CLDN14: variants seen among roughly 807,000 people sequenced by gnomAD.
CLDN14 encodes the protein claudin 14.
In CLDN14, 2 loss-of-function variants were observed where a neutral mutation model predicts 2.1. That is an observed-to-expected ratio of 0.96 (90% CI 0.39 to 3.01). The LOEUF (loss-of-function observed/expected upper bound fraction) is 3.01, where lower values mean the gene tolerates loss of function less well. Among genes scored for constraint, CLDN14 ranks in the 30% most tolerant of loss-of-function variants. The pLI is 0.09. For synonymous variants in CLDN14, 136 were observed against 154.4 expected, an observed-to-expected ratio of 0.88 and a Z score of 0.88; for missense variants, 298 against 328.0, an observed-to-expected ratio of 0.91 and a Z score of 0.71.
intron 1 of CLDN14, among the ~76,000 whole-genome samples, chr21:36,549,972 G>T (rs985458966): frequency 6.6e-6 from 1 of 152,240 alleles, no homozygotes; most frequent in African/African-American, 2.4e-5. Context: ...CTGGAATGAG[G>T]ATAGACACTG....
chr21:36,552,684 AAAAAC>A (rs142309167), intron 1 of CLDN14, among the ~76,000 whole-genome samples: 112,368 of 150,404 alleles, frequency 0.75, 43,482 homozygotes, highest in Non-Finnish European at 0.87. Context: ...AAAACAAGAC[AAAAAC>A]AAAACAAAAC....
At chr21:36,503,309 C>T (rs917095760) in intron 2 of CLDN14, among the ~76,000 whole-genome samples, 1 of 152,198 alleles carries the variant, frequency 6.6e-6, no homozygotes, top group Non-Finnish European at 1.5e-5. Flanking sequence ...CTGCCTTGCC[C>T]TCCCAAAGTG....
chr21:36,549,983 C>A (rs1176829270), intron 1 of CLDN14, among the ~76,000 whole-genome samples: 1 of 152,246 alleles, frequency 6.6e-6, no homozygotes, highest in Non-Finnish European at 1.5e-5. Flanking sequence ...ATAGACACTG[C>A]ACCTGCACTG....
At position 36,551,274 on chromosome 21, in the gene CLDN14, T is replaced by A. The variant is rs1192703949; in HGVS notation, c.-220+25137A>T. Reference sequence around the variant, plus strand: ...GGCTTGGCCCCCTCCCCTTGGCCTCTGCGCTGGGAGGGAGGACCCCAGTGA... The same window carrying A: ...GGCTTGGCCCCCTCCCCTTGGCCTCAGCGCTGGGAGGGAGGACCCCAGTGA... On this transcript the variant is annotated intron_variant, in intron 1 of 2. Transcript: ENST00000342108. This position sits in a 1 kb window ranked among gnomAD's most constrained non-coding sequence, Gnocchi z 4.8. Among the ~76,000 whole-genome samples, 1 of 152,238 alleles carries A rather than the reference T, an allele frequency of 6.6e-6. No homozygotes were observed. Among genetic ancestry groups the A allele is most frequent in the Admixed American group, 6.5e-5 (1 of 15,288 alleles).
At chr21:36,566,664 A>C (rs1395050568) in intron 1 of CLDN14, among the ~76,000 whole-genome samples, 2 of 152,202 alleles carry the variant, frequency 1.3e-5, no homozygotes, top group Non-Finnish European at 2.9e-5. Context: ...GATCCCTTCC[A>C]AATGTGGGCA....
intron 1 of CLDN14, among the ~76,000 whole-genome samples, chr21:36,463,928 A>T (rs757069317): frequency 8.5e-5 from 13 of 152,130 alleles, no homozygotes; most frequent in Non-Finnish European, 1.9e-4. Context: ...AAAAATAAAT[A>T]ATAACAAAAC....
At chr21:36,566,594 A>G (rs951452818) in intron 1 of CLDN14, among the ~76,000 whole-genome samples, 1 of 152,236 alleles carries the variant, frequency 6.6e-6, no homozygotes, top group Non-Finnish European at 1.5e-5. Flanking sequence ...GCTTGCTCTT[A>G]CAATTTATGA....
chr21:36,499,321 C>T lies in CLDN14; in HGVS notation c.-82+11042G>A, dbSNP rs743424. On this transcript the variant is annotated intron_variant, in intron 2 of 2. Coordinates refer to the CLDN14 transcript ENST00000342108. This position sits in a 1 kb window ranked among gnomAD's most constrained non-coding sequence, Gnocchi z 4.7. ...CTGGAGTGCAGTGGTGTGATCTCAG[C>T]TCGCTGCAACCTCTGCCTCCTGGGT... Among the ~76,000 whole-genome samples the T allele has an allele frequency of 0.39, 58,730 of 152,040 alleles. 13,437 individuals carry two copies. Among genetic ancestry groups the T allele is most frequent in the Non-Finnish European group, 0.53 (35,817 of 67,950 alleles).
At chr21:36,521,290 C>T (rs965318353) in intron 1 of CLDN14, among the ~76,000 whole-genome samples, 4 of 152,190 alleles carry the variant, frequency 2.6e-5, no homozygotes, top group Middle Eastern at 3.4e-3. Flanking sequence ...GAGGAAAGCA[C>T]GTGACCCCTT....
intron 1 of CLDN14, among the ~76,000 whole-genome samples, chr21:36,567,466 A>G (rs1312903819): frequency 6.6e-6 from 1 of 152,220 alleles, no homozygotes; most frequent in African/African-American, 2.4e-5. Flanking sequence ...GTCTATTCAC[A>G]TATTCTGAAG....
rs547595944 is a variant in CLDN14 at position 36,487,141 on chromosome 21, C to T, written c.-82+23222G>A. On this transcript the variant is annotated intron_variant, in intron 2 of 2. Transcript: ENST00000342108. ...CTGGAACTACAGGCGCCTGCCACCACACCCGGCTAATTTTTGTATTTTTAG... is the reference window on the plus strand; with the variant it reads ...CTGGAACTACAGGCGCCTGCCACCATACCCGGCTAATTTTTGTATTTTTAG... 280 of 207,784 alleles carry T rather than the reference C, an allele frequency of 1.3e-3. 3 individuals carry two copies. In the South Asian group the frequency reaches 0.022, roughly 16 times the overall value. 12.9% of individuals were successfully genotyped at this position (207,784 alleles called of 1,614,324 possible).
intron 1 of CLDN14, among the ~76,000 whole-genome samples, chr21:36,532,908 TACA>T (rs1300452099): frequency 5.3e-5 from 8 of 152,162 alleles, no homozygotes; most frequent in Admixed American, 5.2e-4. Flanking sequence ...TGACTCAACT[TACA>T]ACATCTGCAT....
intron 2 of CLDN14, among the ~76,000 whole-genome samples, chr21:36,489,133 T>A (rs11701326): frequency 0.24 from 10,017 of 41,962 alleles, 655 homozygotes; most frequent in East Asian, 0.45. Context: ...AAAAAAAAAA[T>A]ATATATATAT....
chr21:36,520,480 C>G (rs1367930271), intron 1 of CLDN14, among the ~76,000 whole-genome samples: 1 of 152,176 alleles, frequency 6.6e-6, no homozygotes, highest in Non-Finnish European at 1.5e-5. Context: ...CTCAAAAGAT[C>G]TGATGGTTTT....
At chr21:36,553,559 T>C (rs977611588) in intron 1 of CLDN14, among the ~76,000 whole-genome samples, 3 of 151,954 alleles carry the variant, frequency 2.0e-5, no homozygotes, top group African/African-American at 7.3e-5. Context: ...CCGCACCCCA[T>C]CTTGGCCCAC....
At chr21:36,467,944 C>T (rs2086666932) in intron 1 of CLDN14, among the ~76,000 whole-genome samples, 1 of 152,166 alleles carries the variant, frequency 6.6e-6, no homozygotes, top group African/African-American at 2.4e-5. Context: ...CTGCCCTGAG[C>T]CCTACTGTGC....
At chr21:36,494,983 C>T (rs2087002899) in intron 2 of CLDN14, among the ~76,000 whole-genome samples, 1 of 152,196 alleles carries the variant, frequency 6.6e-6, no homozygotes, top group Non-Finnish European at 1.5e-5. Context: ...CCTCAGATGC[C>T]TGCTGTTACC....
chr21:36,487,738 A>G (rs1007185434), intron 2 of CLDN14: 5 of 152,228 alleles, frequency 3.3e-5, no homozygotes, highest in African/African-American at 1.2e-4. Context: ...TGTGAAATGC[A>G]ACCTCACTGT....
chr21:36,473,999 A>T (rs2086743315), intron 1 of CLDN14, among the ~76,000 whole-genome samples: 1 of 152,228 alleles, frequency 6.6e-6, no homozygotes, highest in Admixed American at 6.5e-5. Context: ...TGATAAGCTC[A>T]GTTTCGGCGG....
Sources: gnomAD v4.1 joint callset for allele counts (sites outside exome capture counted in the v4.1 genomes callset) on GRCh38, gnomAD v4.1.1 for gene constraint, Gnocchi (gnomAD v3.1) non-coding constraint, MANE v1.5 for transcripts, NCBI Gene and HGNC (gene_info 2026-07-23, HGNC 2026-07-21) for gene names.